Variants in OR6N1 observed in about 807,000 individuals in gnomAD.
The protein encoded by OR6N1 is olfactory receptor 6N1.
For missense variants in OR6N1, 394 were observed against 371.7 expected (o/e 1.06, Z -0.49); for synonymous variants, 170 against 150.7 (o/e 1.13, Z -0.94).
At chr1:158,823,289 A>T in the OR6N1 span, among the ~76,000 whole-genome samples, 1 of 152,128 alleles carries the variant, frequency 6.6e-6, no homozygotes. Context: ...AAATGGTACC[A>T]ACTCTTCTTT....
At chr1:158,827,070 AT>A in the OR6N1 span, among the ~76,000 whole-genome samples, 65 of 152,324 alleles carry the variant, frequency 4.3e-4, 3 homozygotes, top group East Asian at 0.012. Context: ...GGCAACATAA[AT>A]TCTTAAGTTA....
the OR6N1 span, among the ~76,000 whole-genome samples, chr1:158,839,679 C>T: frequency 7.9e-5 from 12 of 152,234 alleles, no homozygotes; most frequent in South Asian, 1.9e-3. Context: ...CTCCTGATCA[C>T]GTCACACCAT....
At chr1:158,787,608 A>C in the OR6N1 span, among the ~76,000 whole-genome samples, 77,971 of 140,070 alleles carry the variant, frequency 0.56, 23,952 homozygotes, top group African/African-American at 0.87. Flanking sequence ...CTCTCTCTCT[A>C]TCTATCTCTC....
chr1:158,784,343 T>A, the OR6N1 span, among the ~76,000 whole-genome samples: 2 of 152,240 alleles, frequency 1.3e-5, no homozygotes, highest in African/African-American at 4.8e-5. Flanking sequence ...TGTCTTGATA[T>A]ATGTATACAT....
At chr1:158,805,610 A>G in the OR6N1 span, among the ~76,000 whole-genome samples, 1 of 152,160 alleles carries the variant, frequency 6.6e-6, no homozygotes, top group Admixed American at 6.5e-5. Context: ...GCTCTGCGCT[A>G]AAGATGACCT....
chr1:158,815,792 C>A, the OR6N1 span, among the ~76,000 whole-genome samples: 1 of 152,126 alleles, frequency 6.6e-6, no homozygotes, highest in Non-Finnish European at 1.5e-5. Context: ...TTGGTGCCCT[C>A]AGTTTGCAGA....
the OR6N1 span, among the ~76,000 whole-genome samples, chr1:158,816,684 G>A: frequency 1.3e-5 from 2 of 152,300 alleles, no homozygotes; most frequent in South Asian, 2.1e-4. Context: ...GCCAGATCCT[G>A]TCTCAAAAAA....
chr1:158,769,116 G>A (rs186822317), intron 1 of OR6N1, among the ~76,000 whole-genome samples: 1 of 152,246 alleles, frequency 6.6e-6, no homozygotes, highest in East Asian at 1.9e-4. Flanking sequence ...CAAGCCATGG[G>A]CTGGATATGG....
chr1:158,812,482 G>C, the OR6N1 span, among the ~76,000 whole-genome samples: 1 of 152,176 alleles, frequency 6.6e-6, no homozygotes, highest in African/African-American at 2.4e-5. Context: ...TAGAAATGAA[G>C]TTAGAGAAAA....
the OR6N1 span, among the ~76,000 whole-genome samples, chr1:158,803,201 G>A: frequency 7.2e-5 from 11 of 152,082 alleles, no homozygotes; most frequent in African/African-American, 1.9e-4. Flanking sequence ...TGTAGGAGAC[G>A]GAAAGTTTCT....
the OR6N1 span, among the ~76,000 whole-genome samples, chr1:158,818,359 G>A: frequency 6.6e-6 from 1 of 152,280 alleles, no homozygotes; most frequent in South Asian, 2.1e-4. Flanking sequence ...AAATTAACTT[G>A]CTGAGGGTTG....
the OR6N1 span, among the ~76,000 whole-genome samples, chr1:158,805,102 T>A: frequency 1.3e-5 from 2 of 152,224 alleles, no homozygotes; most frequent in Admixed American, 6.5e-5. Flanking sequence ...CAAGGTCACA[T>A]GCCCTTGTTT....
chr1:158,822,894 GT>G, the OR6N1 span, among the ~76,000 whole-genome samples: 16 of 152,260 alleles, frequency 1.1e-4, no homozygotes, highest in Non-Finnish European at 2.1e-4. Context: ...TCAATGCCTA[GT>G]TTGTTGAGGA....
chr1:158,769,877 G>A (rs926737914), intron 1 of OR6N1, among the ~76,000 whole-genome samples: 9 of 152,060 alleles, frequency 5.9e-5, no homozygotes, highest in African/African-American at 1.7e-4. Flanking sequence ...TTTTCTCACC[G>A]CATATCCATG....
At chr1:158,824,037 A>C in the OR6N1 span, among the ~76,000 whole-genome samples, 4 of 146,194 alleles carry the variant, frequency 2.7e-5, no homozygotes, top group East Asian at 7.9e-4. Context: ...TTTTCTTGGT[A>C]TTGATTTTTT....
the OR6N1 span, among the ~76,000 whole-genome samples, chr1:158,800,400 A>G: frequency 1.3e-5 from 2 of 152,184 alleles, no homozygotes; most frequent in African/African-American, 4.8e-5. Context: ...ATTAATTTTC[A>G]AGGTTTGACA....
At chr1:158,786,323 A>T in the OR6N1 span, among the ~76,000 whole-genome samples, 1 of 152,212 alleles carries the variant, frequency 6.6e-6, no homozygotes, top group Non-Finnish European at 1.5e-5. Flanking sequence ...AAGAATGGCC[A>T]TAATCAAAAA....
chr1:158,797,786 T>A, the OR6N1 span, among the ~76,000 whole-genome samples: 1 of 152,222 alleles, frequency 6.6e-6, no homozygotes, highest in African/African-American at 2.4e-5. Flanking sequence ...ACTGTTAGGC[T>A]ATCTTTGTAA....
chr1:158,776,846 T>G (rs1211822061), upstream of OR6N1: 1 of 1,614,190 alleles, frequency 6.2e-7, no homozygotes. Context: ...GAATAGCTCT[T>G]CTTTAGCCGC....
Sources: gnomAD v4.1 joint callset for allele counts (sites outside exome capture counted in the v4.1 genomes callset) on GRCh38, gnomAD v4.1.1 for gene constraint, MANE v1.5 for transcripts, NCBI Gene and HGNC (gene_info 2026-07-23, HGNC 2026-07-21) for gene names.